Variants in PLD5 observed in about 807,000 individuals in gnomAD.
PLD5 encodes the protein phospholipase D family member 5.
A neutral mutation model predicts 61.1 loss-of-function variants in PLD5; 36 were observed. That is an observed-to-expected ratio of 0.59 (90% confidence interval 0.45 to 0.78). The LOEUF is 0.78. PLD5 is among the 30% of genes least tolerant of loss of function. PLD5 has a pLI of 0.00. For missense variants in PLD5, 515 were observed against 644.4 expected, an observed-to-expected ratio of 0.80 and a Z score of 2.17; for synonymous variants, 243 against 242.8, an observed-to-expected ratio of 1.00 and a Z score of -0.01.
At chr1:242,468,252 T>G (rs1015719627) in intron 1 of PLD5, among the ~76,000 whole-genome samples, 1 of 152,250 alleles carries the variant, frequency 6.6e-6, no homozygotes, top group Non-Finnish European at 1.5e-5. Context: ...TTTTAAGTTA[T>G]GCTGGAAGCT....
At chr1:242,232,556 A>G (rs1427764669) in intron 4 of PLD5, among the ~76,000 whole-genome samples, 1 of 152,170 alleles carries the variant, frequency 6.6e-6, no homozygotes, top group Non-Finnish European at 1.5e-5. Flanking sequence ...AAGGAAAAAA[A>G]TCATCAAGTC....
At chr1:242,325,082 G>T (rs1329374396) in intron 2 of PLD5, among the ~76,000 whole-genome samples, 1 of 152,038 alleles carries the variant, frequency 6.6e-6, no homozygotes, top group Non-Finnish European at 1.5e-5. Flanking sequence ...TCAATAAATT[G>T]GCTCTATCTG....
At chr1:242,331,095 G>A (rs1659141854) in intron 2 of PLD5, among the ~76,000 whole-genome samples, 1 of 152,084 alleles carries the variant, frequency 6.6e-6, no homozygotes, top group South Asian at 2.1e-4. Flanking sequence ...CACTGCATTT[G>A]TTCAATATTA....
At chr1:242,424,721 T>C (rs1665325154) in intron 1 of PLD5, among the ~76,000 whole-genome samples, 1 of 152,226 alleles carries the variant, frequency 6.6e-6, no homozygotes, top group Admixed American at 6.5e-5. Flanking sequence ...AGCTGGAGAA[T>C]AAGCTTGTTG....
rs796436396 is a variant in PLD5 at position 242,084,035 on chromosome 1, G to A, written c.*5819C>T. On this transcript the variant is annotated 3_prime_UTR_variant, in exon 10 of 10. Transcript: ENST00000536534. ...TCTGAGCCAAAAGGAATGGGTTTGA[G>A]AGCCAGATATCCACTTCATAAAAAG... 45 of 152,278 alleles carry A rather than the reference G, an allele frequency of 3.0e-4. No individual in the cohort carries two copies. The highest frequency in any genetic ancestry group is 1.1e-3 in the African/African-American group (44 of 41,562). 9.4% of individuals were successfully genotyped at this position (152,278 alleles called of 1,614,324 possible).
intron 3 of PLD5, among the ~76,000 whole-genome samples, chr1:242,283,898 T>C (rs1439758903): frequency 3.3e-5 from 5 of 152,128 alleles, no homozygotes; most frequent in Non-Finnish European, 5.9e-5. Context: ...TTTCAGTTAG[T>C]GCCTTTTTAT....
At chr1:242,304,883 C>A (rs537280578) in intron 2 of PLD5, among the ~76,000 whole-genome samples, 1 of 152,020 alleles carries the variant, frequency 6.6e-6, no homozygotes, top group Non-Finnish European at 1.5e-5. Flanking sequence ...GTGGGCAGAT[C>A]GCTTGTGCCC....
chr1:242,404,125 G>A (rs527949722), intron 1 of PLD5, among the ~76,000 whole-genome samples: 2 of 152,284 alleles, frequency 1.3e-5, no homozygotes, highest in South Asian at 4.1e-4. Flanking sequence ...GTCTAGAGAG[G>A]AGAGGGACAG....
In PLD5 at chr1:242,084,906, G is replaced by A. The variant is rs1659384846; in HGVS notation, c.*4948C>T. The A allele has an allele frequency of 6.6e-6, 1 of 151,892 alleles. No homozygotes were observed. Among genetic ancestry groups the A allele is most frequent in the African/African-American group, 2.4e-5 (1 of 41,352 alleles). The allele number at this position is 151,892 out of a possible 1,614,324, so 9.4% of individuals were successfully genotyped here. Reference sequence around the variant, plus strand: ...CACAGTACAGCTTGGTTACTGATGAGAGACTGATTTGTTTCTGAGATCAGC... The same window carrying A: ...CACAGTACAGCTTGGTTACTGATGAAAGACTGATTTGTTTCTGAGATCAGC... On this transcript the variant is annotated 3_prime_UTR_variant, in exon 10 of 10. Coordinates refer to ENST00000536534, the MANE Select transcript of PLD5 (RefSeq NM_001372062.1).
chr1:242,167,109 TAATAATA>T (rs1263135215), intron 5 of PLD5, among the ~76,000 whole-genome samples: 1 of 141,168 alleles, frequency 7.1e-6, no homozygotes, highest in Non-Finnish European at 1.5e-5. Context: ...ATAATAATAA[TAATAATA>T]AATAGTAGCC....
At chr1:242,424,967 A>G (rs1665338273) in intron 1 of PLD5, among the ~76,000 whole-genome samples, 1 of 152,184 alleles carries the variant, frequency 6.6e-6, no homozygotes. Flanking sequence ...CCTCGTCTGT[A>G]CTAAAAATAC....
At chr1:242,351,613 A>G (rs368733205) in intron 1 of PLD5, among the ~76,000 whole-genome samples, 18 of 152,306 alleles carry the variant, frequency 1.2e-4, no homozygotes, top group African/African-American at 4.1e-4. Flanking sequence ...CTGTGAGTCC[A>G]TAAAACCTCT....
At chr1:242,444,891 T>C (rs141123023) in intron 1 of PLD5, among the ~76,000 whole-genome samples, 141 of 151,868 alleles carry the variant, frequency 9.3e-4, no homozygotes, top group African/African-American at 3.0e-3. Context: ...ATGAGACCTA[T>C]AGCCTGTTAC....
rs142315610 is a variant in PLD5, at chr1:242,165,976, C to T, written c.736-41311G>A. Among the ~76,000 whole-genome samples the T allele has an allele frequency of 2.3e-3, 345 of 152,328 alleles. 2 individuals are homozygous for T. Among genetic ancestry groups the T allele is most frequent in the African/African-American group, 7.9e-3 (330 of 41,576 alleles). ...AGTCCTTCCTTGCATAACCCAGGGA[C>T]GAAGCGCTGCCCCGCACCACACCCT... On this transcript the variant is annotated intron_variant, in intron 5 of 9. Coordinates refer to ENST00000536534, the MANE Select transcript of PLD5 (RefSeq NM_001372062.1).
At chr1:242,121,959 G>A (rs1558243278) in intron 6 of PLD5, among the ~76,000 whole-genome samples, 6 of 117,096 alleles carry the variant, frequency 5.1e-5, no homozygotes, top group Admixed American at 9.8e-5. Flanking sequence ...GGGGAGGGGG[G>A]AGGGATAGCA....
rs182332153 is a variant in PLD5 at position 242,389,007 on chromosome 1, A to T, written c.190-40765T>A. Among the ~76,000 whole-genome samples the T allele has an allele frequency of 2.9e-4, 44 of 151,476 alleles. 2 individuals carry two copies. In the East Asian group the frequency reaches 4.1e-3, roughly 14 times the overall value. ...AGTTAAATCAAATTATATAACCAAGATTGCGCCACTGCACTCCAGGCTGGT... is the reference window on the plus strand; with the variant it reads ...AGTTAAATCAAATTATATAACCAAGTTTGCGCCACTGCACTCCAGGCTGGT... On this transcript the variant is annotated intron_variant, in intron 1 of 9. Coordinates refer to ENST00000536534, the MANE Select transcript of PLD5 (RefSeq NM_001372062.1).
intron 1 of PLD5, among the ~76,000 whole-genome samples, chr1:242,419,025 G>T (rs537006156): frequency 1.1e-4 from 17 of 152,172 alleles, no homozygotes; most frequent in African/African-American, 4.1e-4. Flanking sequence ...TTCACACAGA[G>T]ACATTGGGTC....
chr1:242,143,941 A>G (rs1402539918), intron 5 of PLD5, among the ~76,000 whole-genome samples: 1 of 150,074 alleles, frequency 6.7e-6, no homozygotes, highest in African/African-American at 2.4e-5. Context: ...GCCAGGTTCA[A>G]GCGATTCTCA....
upstream of PLD5, chr1:242,524,833 A>G (rs1669401466): frequency 6.7e-6 from 1 of 149,362 alleles, no homozygotes; most frequent in African/African-American, 2.5e-5. Flanking sequence ...CGCCGCGCCC[A>G]GGCCCGGGCG....
Sources: allele counts gnomAD v4.1 joint callset (sites outside exome capture counted in the v4.1 genomes callset), GRCh38; gene constraint gnomAD v4.1.1; transcripts MANE v1.5; gene names NCBI Gene and HGNC (gene_info 2026-07-23, HGNC 2026-07-21).